COL5A1: variants seen among roughly 807,000 people sequenced by gnomAD.
The protein encoded by COL5A1 is collagen type V alpha 1 chain, also known as collagen alpha-1(V) chain.
In COL5A1, 16 loss-of-function variants were observed where a neutral mutation model predicts 263.7. The ratio of observed to expected loss-of-function variants is 0.06; its 90% CI spans 0.04 to 0.09. COL5A1 has a LOEUF of 0.09. Among genes scored for constraint, COL5A1 ranks in the 10% least tolerant of loss-of-function variants. The pLI is 1.00. For missense variants in COL5A1, 2,036 were observed against 2,540.5 expected (o/e 0.80, Z 4.27); for synonymous variants, 1,012 against 1,004.5 (o/e 1.01, Z -0.14).
rs748345448 is a variant in COL5A1 at position 134,761,956 on chromosome 9, C to T, written c.1967C>T (p.Pro656Leu). Residue 656 changes from proline (P) to leucine (L), a missense_variant, in exon 19 of 66, where the codon CCT (proline) becomes CTT (leucine). By Grantham distance (98) the Pro-to-Leu change is moderately conservative. This residue lies in a region of COL5A1 where 1,078 missense variants were observed against 1,521.4 expected (regional missense o/e 0.71). Coordinates refer to ENST00000371817, the MANE Select transcript of COL5A1 (RefSeq NM_000093.5). ...CCTGGTCCTTCCGGCCCACCAGGACCTCCGGGAGACGATGGAGAAAGGGTA... is the reference window on the plus strand; with the variant it reads ...CCTGGTCCTTCCGGCCCACCAGGACTTCCGGGAGACGATGGAGAAAGGGTA... ...GDPGPSGPPG[P>L]PGDDGERGDD... 2.2e-5 allele frequency: 35 copies of T among 1,613,450 alleles called. No individual in the cohort carries two copies. In the East Asian group the frequency reaches 7.1e-4, roughly 33 times the overall value.
chr9:134,784,654 G>C (rs895189625), intron 29 of COL5A1, among the ~76,000 whole-genome samples: 1 of 152,234 alleles, frequency 6.6e-6, no homozygotes, highest in African/African-American at 2.4e-5. Flanking sequence ...AGCTACTATT[G>C]TTAACCAAAG....
chr9:134,724,821 G>A (rs1170476921), intron 4 of COL5A1, among the ~76,000 whole-genome samples: 2 of 152,124 alleles, frequency 1.3e-5, no homozygotes, highest in East Asian at 3.9e-4. Flanking sequence ...CGGCGGGGGA[G>A]GTGGTGCCTC....
intron 1 of COL5A1, among the ~76,000 whole-genome samples, chr9:134,664,450 C>G (rs974015881): frequency 3.9e-5 from 6 of 152,162 alleles, no homozygotes; most frequent in African/African-American, 1.4e-4. Context: ...ACCTATCTGA[C>G]GGAAAGGGGG....
At chr9:134,717,670 C>T (rs1834317059) in intron 4 of COL5A1, among the ~76,000 whole-genome samples, 1 of 152,246 alleles carries the variant, frequency 6.6e-6, no homozygotes, top group African/African-American at 2.4e-5. Context: ...AGAACAATCT[C>T]TCATGGACAA....
intron 11 of COL5A1, among the ~76,000 whole-genome samples, chr9:134,746,087 C>G (rs1457111388): frequency 6.6e-6 from 1 of 152,168 alleles, no homozygotes; most frequent in African/African-American, 2.4e-5. Flanking sequence ...GTTTCAGGAC[C>G]TGGATGTACC....
At position 134,665,462 on chromosome 9, in the gene COL5A1, G is replaced by T. The variant is rs76919497; in HGVS notation, c.109+23166G>T. On this transcript the variant is annotated intron_variant, in intron 1 of 65. Coordinates refer to ENST00000371817, the MANE Select transcript of COL5A1 (RefSeq NM_000093.5). ...AGAATGAAGAATGTTCGTCGTAATG[G>T]ATCCATCTCTACTCAAAGAAAAGAC... Among the ~76,000 whole-genome samples, 708 of 152,292 alleles carry T rather than the reference G, an allele frequency of 4.6e-3. 7 individuals are homozygous for T. Among genetic ancestry groups the T allele is most frequent in the African/African-American group, 0.016 (656 of 41,558 alleles).
chr9:134,680,480 A>G lies in COL5A1; in HGVS notation c.110-10432A>G, dbSNP rs1468620460. Among the ~76,000 whole-genome samples, 2 of 152,210 alleles carry G rather than the reference A, an allele frequency of 1.3e-5. No homozygotes were observed. Among genetic ancestry groups the G allele is most frequent in the Admixed American group, 1.3e-4 (2 of 15,286 alleles). On this transcript the variant is annotated intron_variant, in intron 1 of 65. Transcript: ENST00000371817. The surrounding 1 kb of genome is among the most constrained non-coding windows in gnomAD (Gnocchi z 5.9). ...ACCTGTACCTGTTCCTCCATGACCC[A>G]TGGCTGAGGACACCAACCTGGTCCC...
In COL5A1 at chr9:134,647,561, G is replaced by A. The variant is rs1192723724; in HGVS notation, c.109+5265G>A. 6.6e-6 allele frequency among the ~76,000 whole-genome samples: 1 copy of A among 152,198 alleles called. No individual in the cohort carries two copies. ...TGGCTGACTCCACGTGCAGGGCCTG[G>A]TGTGTTTGAGGAGCTCGTGGCAGGG... On this transcript the variant is annotated intron_variant, in intron 1 of 65. Transcript: ENST00000371817. The surrounding 1 kb of genome is among the most constrained non-coding windows in gnomAD (Gnocchi z 5.0).
chr9:134,664,173 A>G (rs147729163), intron 1 of COL5A1, among the ~76,000 whole-genome samples: 2,504 of 152,280 alleles, frequency 0.016, 53 homozygotes, highest in African/African-American at 0.056. Context: ...CCGTCTGGGA[A>G]AAAAAGATTG....
chr9:134,744,124 G>A (rs138963904), intron 11 of COL5A1, among the ~76,000 whole-genome samples: 1 of 152,324 alleles, frequency 6.6e-6, no homozygotes, highest in African/African-American at 2.4e-5. Flanking sequence ...GAAAAGCTGT[G>A]GGGAAGAAGC....
rs759638501 is a variant in COL5A1, at chr9:134,824,701, C to T, written c.4800C>T (p.Asn1600=). 1.9e-6 allele frequency: 3 copies of T among 1,614,230 alleles called. No homozygotes were observed. Among genetic ancestry groups the T allele is most frequent in the Non-Finnish European group, 2.5e-6 (3 of 1,180,040 alleles). Residue 1600 remains asparagine, a synonymous_variant, in exon 62 of 66, where the codon AAC becomes AAT. Transcript: ENST00000371817. ...TGCTGGACGACGGGAATGGCGAGAACTACGTGGACTACGCGGACGGCATGG... is the reference window on the plus strand; with the variant it reads ...TGCTGGACGACGGGAATGGCGAGAATTACGTGGACTACGCGGACGGCATGG... The part of the protein sequence containing the change: ...SQLLDDGNGE[N]YVDYADGMEE...
At chr9:134,836,802 C>T (rs7853216) in intron 65 of COL5A1, among the ~76,000 whole-genome samples, 5,860 of 152,340 alleles carry the variant, frequency 0.038, 262 homozygotes, top group East Asian at 0.12. Flanking sequence ...GGCCATCCCG[C>T]GGCCAGGCCG....
intron 65 of COL5A1, among the ~76,000 whole-genome samples, chr9:134,840,679 CCA>C (rs1410854170): frequency 6.6e-6 from 1 of 152,146 alleles, no homozygotes; most frequent in East Asian, 1.9e-4. Context: ...AATTTGTCGC[CCA>C]CAGTTCTGGA....
In COL5A1 at chr9:134,817,730, A is replaced by G. The variant is rs201856987; in HGVS notation, c.4177-48A>G. ...CGCCTGCACCCGAGCTCGTCCCTCC[A>G]CCCCTGCAGGCCACACTCACCACCT... On this transcript the variant is annotated intron_variant, in intron 53 of 65. Transcript: ENST00000371817. The G allele has an allele frequency of 4.6e-5, 72 of 1,574,708 alleles. 1 individual carries two copies. Among genetic ancestry groups the G allele is most frequent in the South Asian group, 4.3e-4 (38 of 88,340 alleles).
intron 63 of COL5A1, 136 bp downstream of exon 63, chr9:134,826,040 T>A: frequency 5.1e-6 from 3 of 591,658 alleles, no homozygotes; most frequent in Non-Finnish European, 9.2e-6. Flanking sequence ...TCAGTGAAAC[T>A]GTTCTTTCAG....
At chr9:134,715,500 G>A (rs962425595) in intron 4 of COL5A1, among the ~76,000 whole-genome samples, 1 of 152,168 alleles carries the variant, frequency 6.6e-6, no homozygotes, top group Non-Finnish European at 1.5e-5. Flanking sequence ...GGATGGTCAA[G>A]TCTTTCCCTT....
chr9:134,744,735 TCA>T (rs760491477), intron 11 of COL5A1, among the ~76,000 whole-genome samples: 5 of 146,670 alleles, frequency 3.4e-5, no homozygotes, highest in Non-Finnish European at 6.0e-5. Context: ...ACACATGCAC[TCA>T]CACACCTGCA....
chr9:134,766,612 G>T (rs2132727780), intron 22 of COL5A1, 114 bp downstream of exon 22: 2 of 1,103,678 alleles, frequency 1.8e-6, no homozygotes, highest in Non-Finnish European at 2.7e-6. Context: ...TGAAGGGCAG[G>T]TTGCAGACCC....
At chr9:134,800,806 G>T (rs368995338) in intron 37 of COL5A1, among the ~76,000 whole-genome samples, 1 of 149,190 alleles carries the variant, frequency 6.7e-6, no homozygotes, top group African/African-American at 2.5e-5. Context: ...ATGTGGCCCC[G>T]TGGCTTGGTG....
Sources: gnomAD v4.1 joint callset for allele counts (sites outside exome capture counted in the v4.1 genomes callset) on GRCh38, gnomAD v4.1.1 for gene constraint, gnomAD v4.1.1 regional missense constraint, Gnocchi (gnomAD v3.1) non-coding constraint, MANE v1.5 for transcripts, NCBI Gene and HGNC (gene_info 2026-07-23, HGNC 2026-07-21) for gene names.